PCNX3: variants seen among roughly 807,000 people sequenced by gnomAD.
PCNX3 encodes pecanex 3.
A neutral mutation model predicts 207.2 loss-of-function variants in PCNX3; 58 were observed. The observed-to-expected ratio is 0.28, with a 90% CI of 0.23 to 0.35. The LOEUF is 0.35. Ranked by LOEUF, PCNX3 falls within the 10% of genes least tolerant of loss-of-function variation. PCNX3 has a pLI of 1.00. For missense variants in PCNX3, 2,410 were observed against 2,774.4 expected, an observed-to-expected ratio of 0.87 and a Z score of 2.95; for synonymous variants, 1,337 against 1,183.5, an observed-to-expected ratio of 1.13 and a Z score of -2.66.
chr11:65,626,490 A>G, intron 20 of PCNX3: 1 of 394,240 alleles, frequency 2.5e-6, no homozygotes, highest in Non-Finnish European at 4.8e-6. Flanking sequence ...ATGTTTCTTG[A>G]GTTTTTCTTA....
intron 5 of PCNX3, 84 bp downstream of exon 5, chr11:65,617,790 G>C: frequency 6.6e-7 from 1 of 1,504,292 alleles, no homozygotes; most frequent in Middle Eastern, 2.3e-4. Context: ...CTCCATCCTG[G>C]GTCTCCTCTG....
intron 10 of PCNX3, 52 bp from the exon 11 acceptor site, chr11:65,622,193 G>A: frequency 6.4e-7 from 1 of 1,569,482 alleles, no homozygotes; most frequent in Admixed American, 1.8e-5. Context: ...GGCCGCGGCT[G>A]TGGGGACTGC....
chr11:65,620,805 G>A, intron 9 of PCNX3, 26 bp from the exon 10 acceptor site: 1 of 1,589,890 alleles, frequency 6.3e-7, no homozygotes, highest in Admixed American at 1.7e-5. Flanking sequence ...CCCGTGGGGG[G>A]ATCCTGATGG....
At chr11:65,626,546 A>G (rs1855400720) in intron 20 of PCNX3, 1 of 425,640 alleles carries the variant, frequency 2.3e-6, no homozygotes. Flanking sequence ...CTCTGTGGCT[A>G]CAACCAGCCT....
Position 65,622,630 on chromosome 11 carries a change from C to T in PCNX3, c.2357+264C>T, listed in dbSNP as rs950692459. ...ACTTTTTTTGAGACGGAGTCTCTCT[C>T]TGTCGTCCAGGCTGGAGTGCAGTGG... On this transcript the variant is annotated intron_variant, in intron 11 of 34. Transcript: ENST00000355703. 4.6e-5 allele frequency among the ~76,000 whole-genome samples: 7 copies of T among 152,350 alleles called. No individual in the cohort carries two copies. In the East Asian group the frequency reaches 1.3e-3, roughly 29 times the overall value.
At chr11:65,626,437 T>C (rs535172438) in intron 20 of PCNX3, 1 of 408,614 alleles carries the variant, frequency 2.4e-6, no homozygotes, top group Non-Finnish European at 4.7e-6. Flanking sequence ...TAAAAAATCC[T>C]GGAGCCTCTA....
chr11:65,636,569 G>T lies in PCNX3; in HGVS notation c.5772G>T (p.Pro1924=), dbSNP rs369985737. ...CCCGGACCTCACGGCCCCCTGGCCCGGGTCTCCTCAGTTCTGAGGGCCCCA... is the reference window on the plus strand; with the variant it reads ...CCCGGACCTCACGGCCCCCTGGCCCTGGTCTCCTCAGTTCTGAGGGCCCCA... ...EGPRTSRPPG[P]GLLSSEGPSG... The change falls in exon 34 of 35, where the codon CCG becomes CCT. Residue 1924 remains proline (P), a synonymous_variant. Coordinates refer to ENST00000355703, the MANE Select transcript of PCNX3 (RefSeq NM_032223.4). 1.9e-6 allele frequency: 3 copies of T among 1,594,802 alleles called. No homozygotes were observed. The highest frequency in any genetic ancestry group is 3.6e-5 in the Admixed American group (2 of 55,830).
chr11:65,628,572 C>A, intron 22 of PCNX3, 23 bp from the exon 23 acceptor site: 1 of 1,608,436 alleles, frequency 6.2e-7, no homozygotes. Context: ...TGTCTTTTTT[C>A]TTCTCCCTGT....
At chr11:65,621,669 C>A (rs943776077) in intron 10 of PCNX3, among the ~76,000 whole-genome samples, 1 of 152,328 alleles carries the variant, frequency 6.6e-6, no homozygotes, top group South Asian at 2.1e-4. Flanking sequence ...GCCTCTGGCT[C>A]GCCATTTTAT....
intron 10 of PCNX3, among the ~76,000 whole-genome samples, chr11:65,621,457 G>A (rs1855096607): frequency 1.3e-5 from 2 of 152,244 alleles, no homozygotes; most frequent in African/African-American, 2.4e-5. Flanking sequence ...ATTAACACCA[G>A]AAGCGCTAAA....
Position 65,625,867 on chromosome 11 carries a change from T to A in PCNX3, c.3229-37T>A. The A allele has an allele frequency of 6.2e-7, 1 of 1,605,080 alleles. No individual in the cohort carries two copies. Among genetic ancestry groups the A allele is most frequent in the Non-Finnish European group, 8.5e-7 (1 of 1,174,928 alleles). On this transcript the variant is annotated intron_variant, in intron 19 of 34. Coordinates refer to ENST00000355703, the MANE Select transcript of PCNX3 (RefSeq NM_032223.4). The surrounding 1 kb of genome is among the most constrained non-coding windows in gnomAD (Gnocchi z 5.6). ...GGCCCTCTGTGGTCCCTTGGCCTGC[T>A]CCCATCAGCTGAGTCTCTGGCCTCT...
rs1288457560 is a variant in PCNX3 at position 65,629,610 on chromosome 11, G to A, written c.4091G>A (p.Arg1364His). 4 of 1,611,276 alleles carry A rather than the reference G, an allele frequency of 2.5e-6. No individual in the cohort carries two copies. The highest frequency in any genetic ancestry group is 3.4e-6 in the Non-Finnish European group (4 of 1,178,756). Residue 1364 changes from arginine (R) to histidine (H), a missense_variant, in exon 26 of 35, where the codon CGC (arginine) becomes CAC (histidine). Transcript: ENST00000355703. ...CTGTGTGGGGACCTGGTGCTGGGCC[G>A]CTGGGGCAACTATGGCCCTGGTGAC... Reference protein sequence around the residue: ...HTLCGDLVLGRWGNYGPGDCF... With the variant: ...HTLCGDLVLGHWGNYGPGDCF...
rs1371308350 is a variant in PCNX3 at position 65,625,175 on chromosome 11, C to T, written c.2924C>T (p.Pro975Leu). ...CAGCATGGATTCTCTCCGCAGACTC[C>T]GTGGCCAGAGCAGCACGTCCCTGTC... ...YGFCLGAIKT[P>L]WPEQHVPVLF... The change falls in exon 17 of 35, where the codon CCG (proline) becomes CTG (leucine). Residue 975 changes from proline (P) to leucine (L), a missense_variant. By Grantham distance (98) the Pro-to-Leu change is moderately conservative. Transcript: ENST00000355703. The surrounding 1 kb of genome is among the most constrained non-coding windows in gnomAD (Gnocchi z 5.6). The T allele has an allele frequency of 2.5e-6, 4 of 1,605,858 alleles. No individual in the cohort carries two copies. Among genetic ancestry groups the T allele is most frequent in the Non-Finnish European group, 3.4e-6 (4 of 1,177,150 alleles).
chr11:65,627,845 A>G (rs1855467303), intron 22 of PCNX3, among the ~76,000 whole-genome samples: 1 of 152,114 alleles, frequency 6.6e-6, no homozygotes, highest in African/African-American at 2.4e-5. Flanking sequence ...GTCTGACCCC[A>G]CGACCACCTC....
intron 22 of PCNX3, 30 bp from the exon 23 acceptor site, chr11:65,628,565 C>CT (rs1291701991): frequency 6.2e-7 from 1 of 1,604,574 alleles, no homozygotes; most frequent in Non-Finnish European, 8.5e-7. Context: ...CCCTGCATGT[C>CT]TTTTTTCTTC....
chr11:65,623,086 T>C (rs1855196280), intron 11 of PCNX3, among the ~76,000 whole-genome samples: 1 of 152,188 alleles, frequency 6.6e-6, no homozygotes, highest in Admixed American at 6.5e-5. Context: ...CTAGAGCCCA[T>C]GTGGCTTCCC....
Position 65,625,910 on chromosome 11 carries a change from C to T in PCNX3, c.3235C>T (p.Leu1079=), listed in dbSNP as rs1420726836. ...STVFIALKSV[L]GFVLYALAGA... ...TGGCCTCTCCCTCCTGCAGTCGGTGCTGGGTTTCGTGTTGTACGCACTGGC... is the reference window on the plus strand; with the variant it reads ...TGGCCTCTCCCTCCTGCAGTCGGTGTTGGGTTTCGTGTTGTACGCACTGGC... Residue 1079 remains leucine, a synonymous_variant, in exon 20 of 35, where the codon CTG becomes TTG. Coordinates refer to ENST00000355703, the MANE Select transcript of PCNX3 (RefSeq NM_032223.4). This position sits in a 1 kb window ranked among gnomAD's most constrained non-coding sequence, Gnocchi z 5.6. The T allele has an allele frequency of 3.1e-6, 5 of 1,613,148 alleles. No individual in the cohort carries two copies. Among genetic ancestry groups the T allele is most frequent in the Middle Eastern group, 1.7e-4 (1 of 6,036 alleles).
Position 65,617,806 on chromosome 11 carries a change from C to T in PCNX3, c.577+100C>T. On this transcript the variant is annotated intron_variant, in intron 5 of 34. Coordinates refer to ENST00000355703, the MANE Select transcript of PCNX3 (RefSeq NM_032223.4). ...TCCATCCTGGGTCTCCTCTGTATTC[C>T]TCTGTGGGACCTCCCCAGTGTGCTG... The T allele has an allele frequency of 3.4e-6, 5 of 1,476,260 alleles. No individual in the cohort carries two copies. In the South Asian group the frequency reaches 5.0e-5, roughly 15 times the overall value. 91.4% of individuals were successfully genotyped at this position (1,476,260 alleles called of 1,614,324 possible).
chr11:65,618,719 T>A lies in PCNX3; in HGVS notation c.1357T>A (p.Tyr453Asn). 6.2e-7 allele frequency: 1 copy of A among 1,612,812 alleles called. No homozygotes were observed. Residue 453 changes from tyrosine (Y) to asparagine (N), a missense_variant, in exon 6 of 35, where the codon TAC (tyrosine) becomes AAC (asparagine). Tyr to Asn is a moderately radical substitution (Grantham distance 143). Coordinates refer to ENST00000355703, the MANE Select transcript of PCNX3 (RefSeq NM_032223.4). ...TGACAGCTCCTCTTCTACTTCCTGC[T>A]ACTCCCCTGAGAGCTCCCGGGGTGC... ...STDSSSSTSC[Y>N]SPESSRGAAG... is the part of the protein sequence containing the mutation.
Sources: gnomAD v4.1 joint callset for allele counts (sites outside exome capture counted in the v4.1 genomes callset) on GRCh38, gnomAD v4.1.1 for gene constraint, Gnocchi (gnomAD v3.1) non-coding constraint, MANE v1.5 for transcripts, NCBI Gene and HGNC (gene_info 2026-07-23, HGNC 2026-07-21) for gene names.